TNNI3K: variants seen among roughly 807,000 people sequenced by gnomAD.
TNNI3K encodes TNNI3 interacting kinase.
A neutral mutation model predicts 114.5 loss-of-function variants in TNNI3K; 140 were observed. The observed-to-expected ratio is 1.22, with a 90% CI of 1.07 to 1.41. TNNI3K has a LOEUF of 1.41. TNNI3K is among the 40% of genes most tolerant of loss of function. The pLI is 0.00. For synonymous variants in TNNI3K, 347 were observed against 347.5 expected (o/e 1.00, Z 0.02); for missense variants, 1,125 against 1,007.6 (o/e 1.12, Z -1.58).
chr1:74,470,813 T>A, intron 21 of TNNI3K: 1 of 400,680 alleles, frequency 2.5e-6, no homozygotes, highest in Non-Finnish European at 4.4e-6. Context: ...TAGCTGTCAG[T>A]CTTGTGAGCA....
intron 7 of TNNI3K, among the ~76,000 whole-genome samples, chr1:74,338,749 A>G (rs1019289636): frequency 5.3e-5 from 8 of 152,154 alleles, no homozygotes; most frequent in Non-Finnish European, 1.2e-4. Context: ...CCAGTTTCCA[A>G]GTTGTAAACA....
chr1:74,505,469 A>C (rs1321563955), intron 23 of TNNI3K, among the ~76,000 whole-genome samples: 1 of 152,210 alleles, frequency 6.6e-6, no homozygotes, highest in African/African-American at 2.4e-5. Flanking sequence ...ATTCAGATAC[A>C]AGAGCAATGA....
intron 17 of TNNI3K, among the ~76,000 whole-genome samples, chr1:74,391,276 G>C (rs1355448113): frequency 6.6e-6 from 1 of 152,168 alleles, no homozygotes; most frequent in Non-Finnish European, 1.5e-5. Context: ...ATGTATTAGG[G>C]AGAAAAGGGC....
intron 22 of TNNI3K, among the ~76,000 whole-genome samples, chr1:74,491,573 T>G (rs776382127): frequency 1.3e-5 from 2 of 152,168 alleles, no homozygotes; most frequent in Non-Finnish European, 2.9e-5. Flanking sequence ...TCTGAAAAAC[T>G]ATCACATGGT....
At chr1:74,303,531 A>G (rs912431195) in intron 5 of TNNI3K, among the ~76,000 whole-genome samples, 2 of 152,136 alleles carry the variant, frequency 1.3e-5, no homozygotes, top group African/African-American at 4.8e-5. Flanking sequence ...TCAATTCAAA[A>G]TATTACTGCT....
chr1:74,528,784 A>T (rs1387800066), intron 23 of TNNI3K, among the ~76,000 whole-genome samples: 1 of 152,188 alleles, frequency 6.6e-6, no homozygotes, highest in Non-Finnish European at 1.5e-5. Flanking sequence ...GAGGAGCGGC[A>T]CTTCAACTGC....
chr1:74,283,336 A>G (rs1553127230), intron 5 of TNNI3K, among the ~76,000 whole-genome samples: 1 of 152,200 alleles, frequency 6.6e-6, no homozygotes, highest in Non-Finnish European at 1.5e-5. Context: ...GGAGATAAAC[A>G]CAAGATCATA....
At chr1:74,298,548 G>A (rs911236959) in intron 5 of TNNI3K, among the ~76,000 whole-genome samples, 1 of 152,080 alleles carries the variant, frequency 6.6e-6, no homozygotes, top group Non-Finnish European at 1.5e-5. Context: ...CAAATTTTGA[G>A]CTATCATAAA....
At chr1:74,333,208 C>T (rs906221885) in intron 6 of TNNI3K, among the ~76,000 whole-genome samples, 1 of 152,134 alleles carries the variant, frequency 6.6e-6, no homozygotes, top group Admixed American at 6.5e-5. Context: ...GCCTTTATTC[C>T]TCTGCTAGCT....
At chr1:74,347,308 T>A (rs1320959247) in intron 9 of TNNI3K, among the ~76,000 whole-genome samples, 1 of 151,954 alleles carries the variant, frequency 6.6e-6, no homozygotes, top group Non-Finnish European at 1.5e-5. Flanking sequence ...GCTTCATCCA[T>A]GTCCCTACAA....
intron 5 of TNNI3K, among the ~76,000 whole-genome samples, chr1:74,291,816 A>ATTG (rs1657694015): frequency 6.6e-6 from 1 of 151,520 alleles, no homozygotes. Context: ...CCTACCTAAT[A>ATTG]TTGATTCCAG....
rs1269279414 is a variant in TNNI3K, at chr1:74,421,993, T to C, written c.1773-14087T>C. On this transcript the variant is annotated intron_variant, in intron 17 of 24. Coordinates refer to ENST00000326637, the MANE Select transcript of TNNI3K (RefSeq NM_015978.3). The stretch of plus-strand genomic sequence containing the variant: ...ATTATTATTATTATTATTATTATTA[T>C]TTATTTTAGATTTTTTCAGCACAAT... 3.5e-5 allele frequency among the ~76,000 whole-genome samples: 5 copies of C among 141,310 alleles called. No homozygotes were observed. The East Asian group carries it at 8.4e-4, about 24-fold the overall frequency. The allele number at this position is 141,310 out of a possible 152,430, so 92.7% of individuals were successfully genotyped here.
At chr1:74,416,270 C>A (rs1470724618) in intron 17 of TNNI3K, 16 of 985,010 alleles carry the variant, frequency 1.6e-5, no homozygotes, top group South Asian at 4.7e-5. Flanking sequence ...GGATTCATAG[C>A]AAAGTCGGGT....
intron 23 of TNNI3K, among the ~76,000 whole-genome samples, chr1:74,538,377 T>C (rs1646685518): frequency 6.6e-6 from 1 of 152,094 alleles, no homozygotes; most frequent in African/African-American, 2.4e-5. Context: ...GAATGTCATT[T>C]AAGGATCTAT....
chr1:74,321,664 A>C (rs989943197), intron 5 of TNNI3K, among the ~76,000 whole-genome samples: 1 of 151,870 alleles, frequency 6.6e-6, no homozygotes, highest in African/African-American at 2.4e-5. Context: ...GACTTTTTAG[A>C]GCTTCCTTTT....
At chr1:74,533,900 A>G (rs1050264209) in intron 23 of TNNI3K, among the ~76,000 whole-genome samples, 1 of 152,204 alleles carries the variant, frequency 6.6e-6, no homozygotes, top group African/African-American at 2.4e-5. Flanking sequence ...AGTGTGTTTT[A>G]GTAGAAAGAG....
rs181698159 is a variant in TNNI3K, at chr1:74,534,812, C to G, written c.2352-5422C>G. Among the ~76,000 whole-genome samples, 44 of 152,206 alleles carry G rather than the reference C, an allele frequency of 2.9e-4. 1 individual carries two copies. Among genetic ancestry groups the G allele is most frequent in the Non-Finnish European group, 2.9e-5 (2 of 68,008 alleles). On this transcript the variant is annotated intron_variant, in intron 23 of 24. Transcript: ENST00000326637. The stretch of plus-strand genomic sequence containing the variant: ...TACAACCTGTCATTCAAATCCTTAA[C>G]GATGGGTTTATGTGAAAGTGGTTTC...
chr1:74,299,507 A>G (rs1557483216), intron 5 of TNNI3K, among the ~76,000 whole-genome samples: 1 of 152,138 alleles, frequency 6.6e-6, no homozygotes, highest in Admixed American at 6.5e-5. Context: ...GAAGCCACCT[A>G]TCTTTGAAAA....
At chr1:74,397,360 G>A (rs1664139381) in intron 17 of TNNI3K, among the ~76,000 whole-genome samples, 1 of 152,118 alleles carries the variant, frequency 6.6e-6, no homozygotes, top group Non-Finnish European at 1.5e-5. Context: ...TAAATGACAG[G>A]AGGCAAAGAG....
Sources: gnomAD v4.1 joint callset for allele counts (sites outside exome capture counted in the v4.1 genomes callset) on GRCh38, gnomAD v4.1.1 for gene constraint, MANE v1.5 for transcripts, NCBI Gene and HGNC (gene_info 2026-07-23, HGNC 2026-07-21) for gene names.